Variants in RASSF4 observed in about 807,000 individuals in gnomAD.
The protein encoded by RASSF4 is ras association domain-containing protein 4.
A neutral mutation model predicts 41.1 loss-of-function variants in RASSF4; 38 were observed. That is an observed-to-expected ratio of 0.92 (90% CI 0.71 to 1.21). The LOEUF (loss-of-function observed/expected upper bound fraction) is 1.21. Ranked by LOEUF, RASSF4 falls within the 50% of genes most tolerant of loss-of-function variation. The pLI is 0.00. For missense variants in RASSF4, 414 were observed against 419.4 expected (o/e 0.99, Z 0.11); for synonymous variants, 179 against 163.4 (o/e 1.10, Z -0.73).
In RASSF4 at chr10:44,982,723, C is replaced by T; in HGVS notation, c.281+60C>T. The T allele has an allele frequency of 1.5e-5, 24 of 1,568,130 alleles. 2 individuals are homozygous for T. In the South Asian group the frequency reaches 2.4e-4, roughly 16 times the overall value. On this transcript the variant is annotated intron_variant, in intron 4 of 10. Transcript: ENST00000340258. The stretch of plus-strand genomic sequence containing the variant: ...GCCTGAGCTCCCGGGTTGGGGATAT[C>T]CCGAGCCTCAGGGTGGGAGCCCTGT...
At chr10:44,973,402 T>C (rs888608932) in intron 3 of RASSF4, among the ~76,000 whole-genome samples, 1 of 152,148 alleles carries the variant, frequency 6.6e-6, no homozygotes, top group African/African-American at 2.4e-5. Context: ...ACCTGTGCTG[T>C]TAACACACGC....
At chr10:44,980,411 G>A (rs1841657053) in intron 3 of RASSF4, among the ~76,000 whole-genome samples, 1 of 152,216 alleles carries the variant, frequency 6.6e-6, no homozygotes, top group African/African-American at 2.4e-5. Flanking sequence ...GGCTGACGGG[G>A]CTTTCCCTCC....
intron 1 of RASSF4, among the ~76,000 whole-genome samples, chr10:44,960,314 G>T (rs999428390): frequency 3.9e-5 from 6 of 152,212 alleles, no homozygotes; most frequent in African/African-American, 1.2e-4. Flanking sequence ...TGGGCCAAGT[G>T]CTTTAACACG....
intron 3 of RASSF4, among the ~76,000 whole-genome samples, chr10:44,979,190 C>T (rs924780991): frequency 1.2e-4 from 18 of 152,150 alleles, no homozygotes; most frequent in African/African-American, 4.3e-4. Context: ...AAATCAGCAG[C>T]ACAGGACCCC....
chr10:44,971,130 C>T (rs994933797), intron 2 of RASSF4: 6 of 254,790 alleles, frequency 2.4e-5, no homozygotes, highest in African/African-American at 9.0e-5. Context: ...GCTGGCCCCA[C>T]AGCCCCACAG....
intron 9 of RASSF4, chr10:44,991,350 T>G: frequency 3.1e-6 from 1 of 321,474 alleles, no homozygotes; most frequent in Admixed American, 4.4e-5. Context: ...TTCATTGGAA[T>G]GTATTTTGTT....
At chr10:44,968,624 G>C (rs1026130749) in intron 1 of RASSF4, among the ~76,000 whole-genome samples, 1 of 152,172 alleles carries the variant, frequency 6.6e-6, no homozygotes, top group Non-Finnish European at 1.5e-5. Flanking sequence ...TGTCAAGCAA[G>C]GGGGGAGAGA....
intron 3 of RASSF4, among the ~76,000 whole-genome samples, chr10:44,979,593 A>AT (rs1449790207): frequency 6.6e-6 from 1 of 151,966 alleles, no homozygotes; most frequent in Non-Finnish European, 1.5e-5. Flanking sequence ...CTAAGAGCAG[A>AT]TATTGGAGCA....
chr10:44,987,050 A>C (rs992997084), intron 6 of RASSF4, among the ~76,000 whole-genome samples: 2 of 152,234 alleles, frequency 1.3e-5, no homozygotes, highest in Non-Finnish European at 2.9e-5. Context: ...GAAGAAACAC[A>C]GTGTCTTGTT....
chr10:44,990,758 C>G (rs1482142334), intron 8 of RASSF4, 190 bp from the exon 9 acceptor site: 1 of 495,190 alleles, frequency 2.0e-6, no homozygotes, highest in Non-Finnish European at 3.6e-6. Flanking sequence ...GCCAAAGTGG[C>G]AGATCTGGGG....
intron 3 of RASSF4, chr10:44,976,092 C>G (rs973468992): frequency 6.6e-6 from 1 of 152,200 alleles, no homozygotes; most frequent in Non-Finnish European, 1.5e-5. Flanking sequence ...AGTCAGGGAC[C>G]TGCAGGTTTG....
intron 8 of RASSF4, 64 bp downstream of exon 8, chr10:44,989,785 C>G (rs1326760479): frequency 7.1e-7 from 1 of 1,411,210 alleles, no homozygotes; most frequent in Non-Finnish European, 1.0e-6. Context: ...AGCAAGCCCC[C>G]TCCCCACCAA....
At position 44,989,572 on chromosome 10, in the gene RASSF4, G is replaced by A. The variant is rs887710532; in HGVS notation, c.634-98G>A. 31 of 1,139,342 alleles carry A rather than the reference G, an allele frequency of 2.7e-5. 1 individual carries two copies. The highest frequency in any genetic ancestry group is 1.1e-4 in the South Asian group (9 of 81,448). 70.6% of individuals were successfully genotyped at this position (1,139,342 alleles called of 1,614,324 possible). A position where few individuals can be genotyped will look rare whatever the true frequency, so the allele number is the denominator to read the frequency against. ...AGAGGACAGGTTCCTTGCAACTTGC[G>A]TGTGTGTTACTGGGGGTGTAGTTAC... On this transcript the variant is annotated intron_variant, in intron 7 of 10. Transcript: ENST00000340258.
chr10:44,967,673 T>G (rs1030741136), intron 1 of RASSF4, among the ~76,000 whole-genome samples: 4 of 152,190 alleles, frequency 2.6e-5, no homozygotes, highest in African/African-American at 9.7e-5. Context: ...AGAAGCTTCT[T>G]GTATTTATTC....
Position 44,994,985 on chromosome 10 carries a change from C to T in RASSF4, c.*1656C>T, listed in dbSNP as rs1472196800. 1 of 152,182 alleles carries T rather than the reference C, an allele frequency of 6.6e-6. No individual in the cohort carries two copies. The highest frequency in any genetic ancestry group is 1.5e-5 in the Non-Finnish European group (1 of 68,092). The allele number at this position is 152,182 out of a possible 1,614,324, so 9.4% of individuals were successfully genotyped here. On this transcript the variant is annotated 3_prime_UTR_variant, in exon 11 of 11. Coordinates refer to ENST00000340258, the MANE Select transcript of RASSF4 (RefSeq NM_032023.4). ...CCTGGATGATGAGCAATAGAGTCAC[C>T]CCGAGTCACAGAATCTTAGCATCAG...
At position 44,990,947 on chromosome 10, in the gene RASSF4, G is replaced by A. The variant is rs764739628; in HGVS notation, c.686-1G>A. 2.7e-5 allele frequency: 44 copies of A among 1,610,866 alleles called. No homozygotes were observed. The highest frequency in any genetic ancestry group is 3.7e-5 in the Non-Finnish European group (44 of 1,177,516). On this transcript the variant is annotated splice_acceptor_variant, in intron 8 of 10. Transcript: ENST00000340258. LOFTEE classifies it high-confidence loss of function. ...TTTTTGTAAACCACCTTCTTTTTCA[G>A]AGCGGACAAAATTAAAAGACTGCGA...
At chr10:44,984,420 C>G in intron 5 of RASSF4, 1 of 495,330 alleles carries the variant, frequency 2.0e-6, no homozygotes, top group Non-Finnish European at 3.6e-6. Context: ...TCTCCTGGCC[C>G]CTCACCTCCC....
intron 1 of RASSF4, among the ~76,000 whole-genome samples, chr10:44,968,054 C>T (rs1840976622): frequency 6.6e-6 from 1 of 152,140 alleles, no homozygotes; most frequent in East Asian, 1.9e-4. Context: ...GGGCTTAGAG[C>T]AGGAAGTTGG....
chr10:44,966,475 TC>T (rs1840907357), intron 1 of RASSF4, among the ~76,000 whole-genome samples: 1 of 152,150 alleles, frequency 6.6e-6, no homozygotes, highest in South Asian at 2.1e-4. Context: ...TTGAATTCCT[TC>T]CCATATGAGT....
Sources: gnomAD v4.1 joint callset for allele counts (sites outside exome capture counted in the v4.1 genomes callset) on GRCh38, gnomAD v4.1.1 for gene constraint, MANE v1.5 for transcripts, NCBI Gene and HGNC (gene_info 2026-07-23, HGNC 2026-07-21) for gene names.